Variants in UBE3B observed in about 807,000 individuals in gnomAD.
UBE3B encodes the protein ubiquitin-protein ligase E3B.
Under a neutral mutation model 132.3 loss-of-function variants are expected in UBE3B, and 80 were observed. The ratio of observed to expected loss-of-function variants is 0.60; its 90% CI spans 0.50 to 0.73. The LOEUF (loss-of-function observed/expected upper bound fraction) is 0.73. Ranked by LOEUF, UBE3B falls within the 30% of genes least tolerant of loss-of-function variation. The pLI is 0.00. For synonymous variants in UBE3B, 487 were observed against 520.4 expected, an observed-to-expected ratio of 0.94 and a Z score of 0.87; for missense variants, 1,196 against 1,362.5, an observed-to-expected ratio of 0.88 and a Z score of 1.92.
downstream of UBE3B, among the ~76,000 whole-genome samples, chr12:109,540,740 C>T (rs1216091163): frequency 6.6e-6 from 1 of 152,220 alleles, no homozygotes; most frequent in African/African-American, 2.4e-5. Flanking sequence ...CCAGGACTGC[C>T]CCTCACACAG....
chr12:109,486,076 G>C lies in UBE3B; in HGVS notation c.342+5G>C. ...GATGCTGAGAATGAGCCTAAGGTAA[G>C]TGGACGGGAGCCGCAGTGTCTCCCA... On this transcript the variant is annotated splice_donor_5th_base_variant and intron_variant, in intron 5 of 27. Coordinates refer to ENST00000342494, the MANE Select transcript of UBE3B (RefSeq NM_130466.4). 6.4e-7 allele frequency: 1 copy of C among 1,557,292 alleles called. No individual in the cohort carries two copies. The highest frequency in any genetic ancestry group is 8.7e-7 in the Non-Finnish European group (1 of 1,150,214).
Position 109,533,557 on chromosome 12 carries a change from A to C in UBE3B, c.3014A>C (p.Gln1005Pro), listed in dbSNP as rs2136147852. Residue 1005 changes from glutamine to proline, a missense_variant and splice_region_variant, in exon 27 of 28, where the codon CAG becomes CCG. By Grantham distance (76) the Gln-to-Pro change is moderately conservative. Transcript: ENST00000342494. Reference protein sequence around the residue: ...SIRCVEVSDDQDTGDTLGSVL... With the variant: ...SIRCVEVSDDPDTGDTLGSVL... ...CGCTGCGTGGAGGTGTCGGACGATC[A>C]GGTACCCCCACGGGGTGGGTGGGGA... The C allele has an allele frequency of 4.3e-6, 7 of 1,612,796 alleles. No homozygotes were observed. Among genetic ancestry groups the C allele is most frequent in the Non-Finnish European group, 5.9e-6 (7 of 1,179,654 alleles).
rs61739704 is a variant in UBE3B, at chr12:109,501,437, G to C, written c.1185G>C (p.Arg395=). The change falls in exon 13 of 28, where the codon CGG becomes CGC. Residue 395 remains arginine (R), a synonymous_variant. Coordinates refer to ENST00000342494, the MANE Select transcript of UBE3B (RefSeq NM_130466.4). The part of the protein sequence containing the change: ...LQFLWGVPLI[R]IFFCDILSKK... ...TCTTGTGGGGGGTGCCTCTGATCCG[G>C]ATCTTCTTCTGTGACATCCTGAGCA... 1,818 of 1,614,120 alleles carry C rather than the reference G, an allele frequency of 1.1e-3. 24 individuals carry two copies. In the African/African-American group the frequency reaches 0.023, roughly 20 times the overall value.
Position 109,490,020 on chromosome 12 carries a change from C to T in UBE3B, c.630+16C>T, listed in dbSNP as rs745564831. The T allele has an allele frequency of 6.2e-7, 1 of 1,611,672 alleles. No individual in the cohort carries two copies. The highest frequency in any genetic ancestry group is 8.5e-7 in the Non-Finnish European group (1 of 1,177,892). On this transcript the variant is annotated intron_variant, in intron 8 of 27. Transcript: ENST00000342494. ...TGTGCTGCAGGTCTGTGACTCCTGC[C>T]CCCCAGTGTGCAACTTCTCCACTCT...
chr12:109,481,055 A>G (rs1201730857), intron 1 of UBE3B, among the ~76,000 whole-genome samples: 1 of 151,288 alleles, frequency 6.6e-6, no homozygotes, highest in Non-Finnish European at 1.5e-5. Flanking sequence ...CAGTGAGCCA[A>G]TATCGCGCCA....
chr12:109,510,542 G>T, intron 17 of UBE3B, 84 bp downstream of exon 17: 1 of 1,124,030 alleles, frequency 8.9e-7, no homozygotes, highest in Non-Finnish European at 1.3e-6. Context: ...ATGTTCTAGG[G>T]CAGAGAGGAC....
chr12:109,512,151 T>G (rs1943360834), intron 18 of UBE3B, among the ~76,000 whole-genome samples: 1 of 151,922 alleles, frequency 6.6e-6, no homozygotes, highest in Non-Finnish European at 1.5e-5. Context: ...AGGGAGGAGC[T>G]TGTGTGGGGA....
At chr12:109,498,436 T>G (rs1878517398) in intron 11 of UBE3B, 83 bp downstream of exon 11, 1 of 1,505,312 alleles carries the variant, frequency 6.6e-7, no homozygotes, top group South Asian at 1.3e-5. Flanking sequence ...TTCTAGAGAT[T>G]TGGTTGTTTT....
At chr12:109,508,069 A>G (rs1197304615) in intron 15 of UBE3B, among the ~76,000 whole-genome samples, 1 of 152,146 alleles carries the variant, frequency 6.6e-6, no homozygotes, top group East Asian at 1.9e-4. Flanking sequence ...TTCCAAAGTC[A>G]GAGCCAGGGT....
the UBE3B span, among the ~76,000 whole-genome samples, chr12:109,541,915 C>CGTGG: frequency 1.3e-3 from 194 of 152,308 alleles, no homozygotes; most frequent in African/African-American, 4.5e-3. Context: ...TTAGGACCCA[C>CGTGG]CCTCACCCAA....
downstream of UBE3B, among the ~76,000 whole-genome samples, chr12:109,538,183 C>T (rs1008738088): frequency 5.3e-5 from 8 of 152,256 alleles, no homozygotes; most frequent in African/African-American, 1.9e-4. The surrounding 1 kb of genome is among the most constrained non-coding windows in gnomAD (Gnocchi z 4.1). Context: ...GGCCTCCACT[C>T]TTCTGACAGC....
At position 109,507,711 on chromosome 12, in the gene UBE3B, G is replaced by C; in HGVS notation, c.1598G>C (p.Cys533Ser). The C allele has an allele frequency of 6.2e-7, 1 of 1,613,794 alleles. No individual in the cohort carries two copies. Among genetic ancestry groups the C allele is most frequent in the South Asian group, 1.1e-5 (1 of 91,002 alleles). ...CTCTTGGCCATGCTGATGCTGTTCT[G>C]TGACTGTTCGCGGCACCTCATCACG... is the stretch of plus-strand genomic sequence containing the variant. ...KQLLAMLMLFCDCSRHLITIL... is the reference protein window; with the variant it reads ...KQLLAMLMLFSDCSRHLITIL... The change falls in exon 15 of 28, where the codon TGT (cysteine) becomes TCT (serine). Residue 533 changes from cysteine (C) to serine (S), a missense_variant. By Grantham distance (112) the Cys-to-Ser change is moderately radical. Coordinates refer to ENST00000342494, the MANE Select transcript of UBE3B (RefSeq NM_130466.4).
At chr12:109,519,529 C>T (rs1055903024) in intron 19 of UBE3B, 4 of 152,232 alleles carry the variant, frequency 2.6e-5, no homozygotes, top group African/African-American at 9.6e-5. Context: ...ATTTCATCCA[C>T]ATAACCACAA....
rs759246438 is a variant in UBE3B, at chr12:109,536,284, C to G, written c.*1502C>G. 2.5e-4 allele frequency: 38 copies of G among 152,396 alleles called. No homozygotes were observed. Among genetic ancestry groups the G allele is most frequent in the African/African-American group, 7.2e-4 (30 of 41,596 alleles). 9.4% of individuals were successfully genotyped at this position (152,396 alleles called of 1,614,324 possible). A position where few individuals can be genotyped will look rare whatever the true frequency, so the allele number is the denominator to read the frequency against. On this transcript the variant is annotated 3_prime_UTR_variant, in exon 28 of 28. Transcript: ENST00000342494. ...TCTGATTCTGTGGACTTGCCACTTT[C>G]TCCAAACGCTCGGTTCCTTTGAAGA...
intron 18 of UBE3B, among the ~76,000 whole-genome samples, chr12:109,512,155 G>C (rs1566098678): frequency 1.3e-5 from 2 of 152,160 alleles, no homozygotes; most frequent in African/African-American, 2.4e-5. Context: ...AGGAGCTTGT[G>C]TGGGGAGAGC....
chr12:109,540,033 C>T (rs1046376253), downstream of UBE3B, among the ~76,000 whole-genome samples: 5 of 151,630 alleles, frequency 3.3e-5, no homozygotes, highest in South Asian at 2.1e-4. Flanking sequence ...CCACCAGCAA[C>T]GACAGAGAAA....
At chr12:109,493,418 G>A (rs1463361175) in intron 9 of UBE3B, among the ~76,000 whole-genome samples, 1 of 152,150 alleles carries the variant, frequency 6.6e-6, no homozygotes, top group African/African-American at 2.4e-5. Flanking sequence ...TGGTGTGGTT[G>A]TAATTCACAT....
intron 8 of UBE3B, chr12:109,490,349 A>G (rs1877254349): frequency 2.1e-6 from 3 of 1,458,380 alleles, no homozygotes; most frequent in Non-Finnish European, 2.7e-6. Flanking sequence ...TGTGTCCTCA[A>G]ACAGCCCTTT....
chr12:109,545,528 A>T, the UBE3B span, among the ~76,000 whole-genome samples: 1 of 152,254 alleles, frequency 6.6e-6, no homozygotes, highest in Non-Finnish European at 1.5e-5. Flanking sequence ...AGCTGAGGTC[A>T]GGAGCTGGTC....
Sources: gnomAD v4.1 joint callset for allele counts (sites outside exome capture counted in the v4.1 genomes callset) on GRCh38, gnomAD v4.1.1 for gene constraint, Gnocchi (gnomAD v3.1) non-coding constraint, MANE v1.5 for transcripts, NCBI Gene and HGNC (gene_info 2026-07-23, HGNC 2026-07-21) for gene names.